The following BCAR3 variants were observed in gnomAD, a reference collection of about 807,000 sequenced individuals.
BCAR3 encodes the protein BCAR3 adaptor protein, NSP family member.
BCAR3 carries 37 observed loss-of-function variants against 80.1 expected under a neutral mutation model. The observed-to-expected ratio is 0.46, with a 90% CI of 0.36 to 0.61. The LOEUF is 0.61. BCAR3 is among the 20% of genes least tolerant of loss of function. The pLI, the probability that BCAR3 is intolerant of heterozygous loss-of-function variation, is 0.00. For synonymous variants in BCAR3, 389 were observed against 418.9 expected (o/e 0.93, Z 0.87); for missense variants, 978 against 1,068.2 (o/e 0.92, Z 1.18).
At chr1:93,840,744 G>A (rs1654930235) in intron 2 of BCAR3, among the ~76,000 whole-genome samples, 1 of 152,178 alleles carries the variant, frequency 6.6e-6, no homozygotes, top group African/African-American at 2.4e-5. Context: ...ATTCTGCCAA[G>A]CCTTGGGGAG....
At chr1:93,696,164 T>C (rs954002350) in intron 3 of BCAR3, among the ~76,000 whole-genome samples, 1 of 152,106 alleles carries the variant, frequency 6.6e-6, no homozygotes, top group Non-Finnish European at 1.5e-5. Flanking sequence ...TCCCGAGTAG[T>C]TGGAATTACA....
At chr1:93,839,934 C>T (rs942024441) in intron 2 of BCAR3, among the ~76,000 whole-genome samples, 12 of 152,140 alleles carry the variant, frequency 7.9e-5, no homozygotes, top group Non-Finnish European at 1.8e-4. Flanking sequence ...AGGGTGGGGC[C>T]GAGAGCCTGC....
intron 9 of BCAR3, among the ~76,000 whole-genome samples, chr1:93,570,447 G>A (rs147807610): frequency 6.6e-6 from 1 of 152,218 alleles, no homozygotes; most frequent in Admixed American, 6.5e-5. Context: ...AGAAGTGGGA[G>A]TGCTGATCCT....
At chr1:93,771,464 T>C (rs1416880713) in intron 2 of BCAR3, among the ~76,000 whole-genome samples, 1 of 152,206 alleles carries the variant, frequency 6.6e-6, no homozygotes, top group Non-Finnish European at 1.5e-5. Context: ...CTGCCTCTTA[T>C]TATTACCTGC....
chr1:93,571,940 C>T (rs1403850070), intron 8 of BCAR3, 99 bp from the exon 9 acceptor site: 1 of 1,347,240 alleles, frequency 7.4e-7, no homozygotes, highest in African/African-American at 1.5e-5. Flanking sequence ...GTGCCATTTG[C>T]TCCTTTTGCT....
At chr1:93,661,713 T>C (rs1488526156) in intron 2 of BCAR3, among the ~76,000 whole-genome samples, 6 of 152,222 alleles carry the variant, frequency 3.9e-5, no homozygotes, top group African/African-American at 1.4e-4. Context: ...GGTCTCGAAC[T>C]CCTGACCTCA....
chr1:93,844,201 G>C (rs1262738671), intron 2 of BCAR3, among the ~76,000 whole-genome samples: 1 of 152,192 alleles, frequency 6.6e-6, no homozygotes, highest in Non-Finnish European at 1.5e-5. Context: ...CAGCTACTTA[G>C]GAGGCTGAGG....
At chr1:93,573,615 A>AT (rs919862286) in intron 8 of BCAR3, among the ~76,000 whole-genome samples, 1,898 of 128,958 alleles carry the variant, frequency 0.015, 98 homozygotes, top group Non-Finnish European at 0.022. Flanking sequence ...TATTTTTATT[A>AT]TTATTATTAT....
intron 2 of BCAR3, among the ~76,000 whole-genome samples, chr1:93,741,801 C>A (rs983225465): frequency 6.6e-6 from 1 of 152,170 alleles, no homozygotes; most frequent in Non-Finnish European, 1.5e-5. Flanking sequence ...ATACTCCTGA[C>A]CTCAGGTGTT....
At chr1:93,786,124 C>T (rs1366450377) in intron 2 of BCAR3, among the ~76,000 whole-genome samples, 1 of 100,606 alleles carries the variant, frequency 9.9e-6, no homozygotes, top group Non-Finnish European at 1.8e-5. Context: ...ACCCGGGAGG[C>T]GGAGCTTGCA....
chr1:93,680,991 G>A (rs1419309556), intron 1 of BCAR3: 1 of 152,422 alleles, frequency 6.6e-6, no homozygotes, highest in Non-Finnish European at 1.5e-5. Flanking sequence ...GACGCAGAGG[G>A]AGCAACACAA....
At chr1:93,588,740 A>G (rs1057164457) in intron 5 of BCAR3, among the ~76,000 whole-genome samples, 1 of 141,386 alleles carries the variant, frequency 7.1e-6, no homozygotes, top group Non-Finnish European at 1.5e-5. Flanking sequence ...TACCCCCTTC[A>G]CAAGGTATCC....
In BCAR3 at chr1:93,642,685, G is replaced by T. The variant is rs139756743; in HGVS notation, c.318-342C>A. On this transcript the variant is annotated intron_variant, in intron 2 of 11. Coordinates refer to ENST00000260502, the MANE Select transcript of BCAR3 (RefSeq NM_003567.4). Reference sequence around the variant, plus strand: ...GACAGGCAGGACTGGGTACGGGAACGTGTGGCACTTTCGGTCACTGGTGGT... The same window carrying T: ...GACAGGCAGGACTGGGTACGGGAACTTGTGGCACTTTCGGTCACTGGTGGT... 6.1e-4 allele frequency among the ~76,000 whole-genome samples: 93 copies of T among 152,358 alleles called. 2 individuals carry two copies. The highest frequency in any genetic ancestry group is 1.4e-3 in the Admixed American group (22 of 15,310).
At chr1:93,621,313 G>T (rs991825825) in intron 3 of BCAR3, among the ~76,000 whole-genome samples, 1 of 152,192 alleles carries the variant, frequency 6.6e-6, no homozygotes, top group Non-Finnish European at 1.5e-5. Flanking sequence ...TCCAGATGAG[G>T]AGTTCTGAAC....
chr1:93,732,341 G>A (rs540975401), intron 2 of BCAR3, among the ~76,000 whole-genome samples: 99 of 152,314 alleles, frequency 6.5e-4, no homozygotes, highest in African/African-American at 2.3e-3. Flanking sequence ...CTGGCCAGGT[G>A]CAGTGGCTCA....
At chr1:93,607,179 G>C (rs1243909682) in intron 3 of BCAR3, among the ~76,000 whole-genome samples, 1 of 152,136 alleles carries the variant, frequency 6.6e-6, no homozygotes, top group African/African-American at 2.4e-5. Flanking sequence ...GAGTACATTG[G>C]AAGCTCAAAT....
At chr1:93,585,025 CAG>C in intron 5 of BCAR3, 2 of 985,468 alleles carry the variant, frequency 2.0e-6, no homozygotes, top group South Asian at 9.4e-5. Context: ...CTCCAAGGAA[CAG>C]AGAAATTCCA....
chr1:93,602,830 C>CAGTT (rs1406278475), intron 3 of BCAR3, among the ~76,000 whole-genome samples: 9 of 152,172 alleles, frequency 5.9e-5, no homozygotes, highest in African/African-American at 2.2e-4. Context: ...GTTTGAAGAC[C>CAGTT]AGTTACTTCT....
intron 2 of BCAR3, among the ~76,000 whole-genome samples, chr1:93,760,395 T>G (rs1651895515): frequency 6.6e-6 from 1 of 151,904 alleles, no homozygotes; most frequent in East Asian, 1.9e-4. Context: ...CAATGAGAAG[T>G]GGGGAGCAGG....
Sources: gnomAD v4.1 joint callset for allele counts (sites outside exome capture counted in the v4.1 genomes callset) on GRCh38, gnomAD v4.1.1 for gene constraint, MANE v1.5 for transcripts, NCBI Gene and HGNC (gene_info 2026-07-23, HGNC 2026-07-21) for gene names.